The following OXCT1 variants were observed in gnomAD, a reference collection of about 807,000 sequenced individuals.
The protein encoded by OXCT1 is 3-oxoacid CoA-transferase 1, also known as succinyl-CoA:3-ketoacid coenzyme A transferase 1, mitochondrial.
Under a neutral mutation model 69.6 loss-of-function variants are expected in OXCT1, and 27 were observed. That is an observed-to-expected ratio of 0.39 (90% CI 0.29 to 0.54). The LOEUF (loss-of-function observed/expected upper bound fraction) is 0.54, where lower values mean the gene tolerates loss of function less well. OXCT1 is among the 20% of genes least tolerant of loss of function. The probability of loss-of-function intolerance (pLI) is 0.72; values close to 1 mark genes in which losing one functional copy is unlikely to be tolerated. For missense variants in OXCT1, 437 were observed against 650.2 expected (o/e 0.67, Z 3.57); for synonymous variants, 202 against 217.8 (o/e 0.93, Z 0.64).
At chr5:41,823,688 G>A (rs555053800) in intron 7 of OXCT1, among the ~76,000 whole-genome samples, 274 of 152,248 alleles carry the variant, frequency 1.8e-3, no homozygotes, top group Non-Finnish European at 3.1e-3. Flanking sequence ...CTCCTGGCAC[G>A]TTAGGCCTGA....
intron 13 of OXCT1, among the ~76,000 whole-genome samples, chr5:41,770,375 A>G (rs1419298983): frequency 6.6e-6 from 1 of 152,130 alleles, no homozygotes; most frequent in African/African-American, 2.4e-5. Flanking sequence ...TTCAAAATTG[A>G]CCCTACTAAG....
chr5:41,797,036 T>C (rs1202425164), intron 11 of OXCT1, among the ~76,000 whole-genome samples: 1 of 152,206 alleles, frequency 6.6e-6, no homozygotes, highest in Non-Finnish European at 1.5e-5. Flanking sequence ...AGACACAATG[T>C]CTATAACCTG....
chr5:41,751,203 AG>A (rs1268114694), intron 14 of OXCT1, among the ~76,000 whole-genome samples: 1 of 152,152 alleles, frequency 6.6e-6, no homozygotes, highest in Non-Finnish European at 1.5e-5. Context: ...ATATAAATCA[AG>A]GCATGTCACA....
intron 14 of OXCT1, among the ~76,000 whole-genome samples, chr5:41,760,623 T>C (rs916958847): frequency 3.9e-5 from 6 of 152,128 alleles, no homozygotes; most frequent in Non-Finnish European, 1.5e-5. Flanking sequence ...GTGTCAATAT[T>C]AAGGTTCACA....
At chr5:41,760,182 TACA>T (rs150794097) in intron 14 of OXCT1, among the ~76,000 whole-genome samples, 1,724 of 152,242 alleles carry the variant, frequency 0.011, 29 homozygotes, top group Non-Finnish European at 0.014. Context: ...TAGTAGCAGC[TACA>T]TATTCGAGAG....
chr5:41,825,284 C>G (rs2112343870), intron 7 of OXCT1, among the ~76,000 whole-genome samples: 1 of 152,254 alleles, frequency 6.6e-6, no homozygotes. Flanking sequence ...GGCAGAAACA[C>G]TGTGTATTAT....
At chr5:41,814,319 T>C (rs1747125678) in intron 7 of OXCT1, among the ~76,000 whole-genome samples, 1 of 152,154 alleles carries the variant, frequency 6.6e-6, no homozygotes, top group Non-Finnish European at 1.5e-5. Context: ...CCTGGCCTAA[T>C]AGTTTTTTGA....
intron 15 of OXCT1, among the ~76,000 whole-genome samples, chr5:41,741,669 G>C (rs1316525943): frequency 1.3e-5 from 2 of 152,150 alleles, no homozygotes; most frequent in Non-Finnish European, 2.9e-5. Flanking sequence ...ACACATCGCT[G>C]GGACCAGTGA....
intron 13 of OXCT1, among the ~76,000 whole-genome samples, chr5:41,768,241 G>A (rs1199581002): frequency 6.6e-6 from 1 of 152,162 alleles, no homozygotes; most frequent in East Asian, 1.9e-4. Context: ...TGAAAGTGAT[G>A]TATACTACTT....
chr5:41,814,179 C>T (rs1263918247), intron 7 of OXCT1, among the ~76,000 whole-genome samples: 1 of 150,974 alleles, frequency 6.6e-6, no homozygotes, highest in Non-Finnish European at 1.5e-5. Context: ...AAATTGGAAA[C>T]TGATCCAAGG....
Position 41,828,829 on chromosome 5 carries a change from C to T in OXCT1, c.732+11622G>A, listed in dbSNP as rs1179414000. On this transcript the variant is annotated intron_variant, in intron 7 of 16. Transcript: ENST00000196371. ...AGTTATGCTGTAAATGAAGGGTCTGCACACTTTTTTCTGTGAAGGATTAAA... is the reference window on the plus strand; with the variant it reads ...AGTTATGCTGTAAATGAAGGGTCTGTACACTTTTTTCTGTGAAGGATTAAA... 2.0e-5 allele frequency among the ~76,000 whole-genome samples: 3 copies of T among 152,302 alleles called. No individual in the cohort carries two copies. The East Asian group carries it at 5.8e-4, about 29-fold the overall frequency.
intron 10 of OXCT1, among the ~76,000 whole-genome samples, chr5:41,801,536 A>G (rs557203272): frequency 6.6e-6 from 1 of 152,248 alleles, no homozygotes; most frequent in Non-Finnish European, 1.5e-5. Flanking sequence ...TTAAAAATAT[A>G]AAAATCAAAG....
At chr5:41,836,315 G>A (rs1374595288) in intron 7 of OXCT1, among the ~76,000 whole-genome samples, 1 of 152,224 alleles carries the variant, frequency 6.6e-6, no homozygotes, top group Non-Finnish European at 1.5e-5. Context: ...TTTTTCCCAA[G>A]TAGCTACCTA....
intron 13 of OXCT1, among the ~76,000 whole-genome samples, chr5:41,778,218 G>A (rs1745219190): frequency 6.6e-6 from 1 of 152,142 alleles, no homozygotes; most frequent in Non-Finnish European, 1.5e-5. Flanking sequence ...GTTACAGATG[G>A]AATATCTTAT....
At chr5:41,821,771 A>G (rs1261113385) in intron 7 of OXCT1, among the ~76,000 whole-genome samples, 1 of 152,058 alleles carries the variant, frequency 6.6e-6, no homozygotes, top group Non-Finnish European at 1.5e-5. Context: ...GATTTTACCT[A>G]TTTTGTGATA....
Position 41,731,555 on chromosome 5 carries a change from A to G in OXCT1, c.*174T>C. The G allele has an allele frequency of 9.6e-7, 1 of 1,041,140 alleles. No individual in the cohort carries two copies. The highest frequency in any genetic ancestry group is 1.4e-6 in the Non-Finnish European group (1 of 726,908). The allele number at this position is 1,041,140 out of a possible 1,614,324, so 64.5% of individuals were successfully genotyped here. On this transcript the variant is annotated 3_prime_UTR_variant, in exon 17 of 17. Transcript: ENST00000196371. ...ATAAATGCTCCTTTTGCTTTTTATT[A>G]AAATGTCACAGCATGCCTAGAGAAC...
At chr5:41,861,744 T>C (rs1437631819) in intron 2 of OXCT1, among the ~76,000 whole-genome samples, 1 of 152,230 alleles carries the variant, frequency 6.6e-6, no homozygotes, top group Admixed American at 6.5e-5. Flanking sequence ...TTTTCAAGAA[T>C]GTTAATATGT....
intron 4 of OXCT1, among the ~76,000 whole-genome samples, 184 bp downstream of exon 4, chr5:41,853,235 G>T (rs575550040): frequency 6.6e-6 from 1 of 152,020 alleles, no homozygotes; most frequent in Non-Finnish European, 1.5e-5. Flanking sequence ...TCTTTTTTCA[G>T]TACACAGTAG....
At chr5:41,804,092 G>A (rs1240806141) in intron 9 of OXCT1, among the ~76,000 whole-genome samples, 1 of 152,126 alleles carries the variant, frequency 6.6e-6, no homozygotes, top group East Asian at 1.9e-4. Context: ...AAAGCCAGCA[G>A]TACAACTCAA....
Sources: gnomAD v4.1 joint callset for allele counts (sites outside exome capture counted in the v4.1 genomes callset) on GRCh38, gnomAD v4.1.1 for gene constraint, MANE v1.5 for transcripts, NCBI Gene and HGNC (gene_info 2026-07-23, HGNC 2026-07-21) for gene names.